The following SEMA3A variants were observed in gnomAD, a reference collection of about 807,000 sequenced individuals.
SEMA3A encodes semaphorin-3A.
Under a neutral mutation model 97.9 loss-of-function variants are expected in SEMA3A, and 29 were observed. That is an observed-to-expected ratio of 0.30 (90% confidence interval 0.22 to 0.40). The LOEUF (loss-of-function observed/expected upper bound fraction) is 0.40, where lower values mean the gene tolerates loss of function less well. SEMA3A is among the 10% of genes least tolerant of loss of function. The probability of loss-of-function intolerance (pLI) is 1.00; values close to 1 mark genes in which losing one functional copy is unlikely to be tolerated. For missense variants in SEMA3A, 763 were observed against 951.3 expected, an observed-to-expected ratio of 0.80 and a Z score of 2.60; for synonymous variants, 321 against 323.7, an observed-to-expected ratio of 0.99 and a Z score of 0.09.
At chr7:84,312,917 TATATACAC>T (rs1336471056) in intron 2 of SEMA3A, among the ~76,000 whole-genome samples, 710 of 37,790 alleles carry the variant, frequency 0.019, 1 homozygote, top group Non-Finnish European at 0.036. Context: ...TATATATATA[TATATACAC>T]ACACACACAC....
chr7:84,122,018 A>T (rs1356035833), intron 3 of SEMA3A, among the ~76,000 whole-genome samples: 3 of 149,352 alleles, frequency 2.0e-5, no homozygotes, highest in Non-Finnish European at 4.4e-5. Context: ...ATGATTTATA[A>T]TCCTTTGGGT....
At chr7:83,976,566 C>G (rs1376266319) in intron 15 of SEMA3A, among the ~76,000 whole-genome samples, 1 of 151,842 alleles carries the variant, frequency 6.6e-6, no homozygotes, top group Non-Finnish European at 1.5e-5. Context: ...GCAACTTTGA[C>G]ATTAAATAGG....
At chr7:84,430,516 A>C (rs896825103) in intron 1 of SEMA3A, among the ~76,000 whole-genome samples, 2 of 152,066 alleles carry the variant, frequency 1.3e-5, no homozygotes, top group African/African-American at 4.8e-5. Context: ...TTGCAAACTC[A>C]TAAGTATCTA....
chr7:84,226,459 A>G (rs1294657857), intron 3 of SEMA3A, among the ~76,000 whole-genome samples: 1 of 152,142 alleles, frequency 6.6e-6, no homozygotes, highest in Admixed American at 6.6e-5. Flanking sequence ...ATTATAAGGC[A>G]TAGCAAACAA....
chr7:84,088,560 TATC>T (rs1293286936), intron 4 of SEMA3A, among the ~76,000 whole-genome samples: 1 of 152,186 alleles, frequency 6.6e-6, no homozygotes, highest in East Asian at 1.9e-4. Context: ...CAATTTTATT[TATC>T]ATTATCATAA....
intron 2 of SEMA3A, among the ~76,000 whole-genome samples, chr7:84,366,303 G>C (rs1006662943): frequency 2.0e-5 from 3 of 151,098 alleles, no homozygotes; most frequent in Non-Finnish European, 4.4e-5. Context: ...GTAGGCCCAC[G>C]AAATACATTT....
chr7:84,243,627 G>T (rs570170951), intron 3 of SEMA3A, among the ~76,000 whole-genome samples: 68 of 151,954 alleles, frequency 4.5e-4, no homozygotes, highest in African/African-American at 1.6e-3. Flanking sequence ...TTTTTGTGAA[G>T]GGGTTTTCAT....
intron 3 of SEMA3A, among the ~76,000 whole-genome samples, chr7:84,303,129 C>T (rs962656913): frequency 6.6e-6 from 1 of 152,034 alleles, no homozygotes; most frequent in East Asian, 1.9e-4. Flanking sequence ...CATTCCAATC[C>T]CCACCCTCAC....
In SEMA3A at chr7:84,140,384, C is replaced by T. The variant is rs192566563; in HGVS notation, c.113-5433G>A. ...GAGGAAGAACTCCTGTATATTTGAC[C>T]TTCAAATCCAGACAATATCCACCCT... On this transcript the variant is annotated intron_variant, in intron 1 of 16. Transcript: ENST00000265362. Among the ~76,000 whole-genome samples the T allele has an allele frequency of 2.5e-3, 378 of 152,168 alleles. 4 individuals carry two copies. Among genetic ancestry groups the T allele is most frequent in the African/African-American group, 8.6e-3 (358 of 41,544 alleles).
At chr7:84,299,187 C>A (rs1020050911) in intron 3 of SEMA3A, among the ~76,000 whole-genome samples, 4 of 151,140 alleles carry the variant, frequency 2.6e-5, no homozygotes, top group Non-Finnish European at 5.9e-5. Flanking sequence ...ACCTTGTGAT[C>A]CTGTGAGTCA....
At chr7:84,184,679 G>A (rs1797825289) in intron 1 of SEMA3A, among the ~76,000 whole-genome samples, 1 of 151,938 alleles carries the variant, frequency 6.6e-6, no homozygotes, top group African/African-American at 2.4e-5. Context: ...TATATTGGGG[G>A]AATCTGTGTG....
At chr7:84,045,797 A>G (rs1015387671) in intron 6 of SEMA3A, among the ~76,000 whole-genome samples, 5 of 151,898 alleles carry the variant, frequency 3.3e-5, no homozygotes, top group Non-Finnish European at 7.4e-5. Flanking sequence ...AAATTGGGAG[A>G]GGGGTTTTAA....
At chr7:84,178,481 A>G (rs1475816944) in intron 1 of SEMA3A, among the ~76,000 whole-genome samples, 2 of 143,892 alleles carry the variant, frequency 1.4e-5, no homozygotes, top group Non-Finnish European at 3.0e-5. Context: ...TATTATCCCT[A>G]TCTTACAAAT....
At chr7:84,367,946 G>A (rs1374236240) in intron 2 of SEMA3A, among the ~76,000 whole-genome samples, 1 of 151,092 alleles carries the variant, frequency 6.6e-6, no homozygotes, top group Non-Finnish European at 1.5e-5. Flanking sequence ...GACACATTCA[G>A]TAAATACATA....
chr7:84,377,226 T>C (rs1803125902), intron 1 of SEMA3A, among the ~76,000 whole-genome samples: 1 of 150,260 alleles, frequency 6.7e-6, no homozygotes. Flanking sequence ...TAGTTTCATC[T>C]TTCTGCTTGT....
At chr7:84,242,008 C>T (rs1038144259) in intron 3 of SEMA3A, among the ~76,000 whole-genome samples, 4 of 152,106 alleles carry the variant, frequency 2.6e-5, no homozygotes, top group Admixed American at 1.3e-4. Flanking sequence ...GGTACCAACA[C>T]CATGCTGTTT....
chr7:84,188,924 C>A (rs1297148463), intron 1 of SEMA3A, among the ~76,000 whole-genome samples: 1 of 151,756 alleles, frequency 6.6e-6, no homozygotes, highest in Non-Finnish European at 1.5e-5. Context: ...GACTATTATG[C>A]CAATTTTTCC....
intron 1 of SEMA3A, among the ~76,000 whole-genome samples, chr7:84,376,623 A>C (rs1054024082): frequency 2.6e-5 from 3 of 113,758 alleles, no homozygotes; most frequent in African/African-American, 9.6e-5. Flanking sequence ...AAAAAAAAAA[A>C]AAAAAAAAAG....
chr7:84,217,420 C>T (rs1217124891), intron 3 of SEMA3A, among the ~76,000 whole-genome samples: 1 of 151,966 alleles, frequency 6.6e-6, no homozygotes. Context: ...AAATTGCAGC[C>T]CTGTCTATTT....
Sources: allele counts gnomAD v4.1 joint callset (sites outside exome capture counted in the v4.1 genomes callset), GRCh38; gene constraint gnomAD v4.1.1; transcripts MANE v1.5; gene names NCBI Gene and HGNC (gene_info 2026-07-23, HGNC 2026-07-21).